The following MACF1 variants were observed in gnomAD, a reference collection of about 807,000 sequenced individuals.
MACF1 encodes the protein microtubule-actin cross-linking factor 1.
MACF1 carries 193 observed loss-of-function variants against 854.8 expected under a neutral mutation model. The observed-to-expected ratio is 0.23, with a 90% CI of 0.20 to 0.25. MACF1 has a LOEUF of 0.25. Ranked by LOEUF, MACF1 falls within the 10% of genes least tolerant of loss-of-function variation. The pLI is 1.00. For missense variants in MACF1, 7,722 were observed against 8,929.1 expected (o/e 0.86, Z 5.45); for synonymous variants, 3,185 against 3,226.7 (o/e 0.99, Z 0.44).
intron 6 of MACF1, among the ~76,000 whole-genome samples, chr1:39,275,458 G>C (rs1235207637): frequency 6.6e-6 from 1 of 151,916 alleles, no homozygotes; most frequent in African/African-American, 2.4e-5. Flanking sequence ...CCATCATAGC[G>C]CACAGTAGCC....
intron 72 of MACF1, among the ~76,000 whole-genome samples, chr1:39,440,111 C>CTTTTCTTTTCTTTTCTT (rs1553414036): frequency 1.5e-5 from 1 of 64,518 alleles, no homozygotes; most frequent in African/African-American, 6.7e-5. Flanking sequence ...CTTTTCTTTT[C>CTTTTCTTTTCTTTTCTT]TTTTTTTTTT....
intron 58 of MACF1, among the ~76,000 whole-genome samples, chr1:39,415,496 C>T (rs1320075005): frequency 1.3e-5 from 2 of 149,342 alleles, no homozygotes; most frequent in Non-Finnish European, 3.0e-5. Flanking sequence ...CCACTACGCC[C>T]GGCAATTTTT....
chr1:39,107,522 A>G (rs949583766), intron 2 of MACF1, among the ~76,000 whole-genome samples: 5 of 152,150 alleles, frequency 3.3e-5, no homozygotes, highest in Non-Finnish European at 1.5e-5. Context: ...TCGGTGCAGA[A>G]CAATCTCTCT....
intron 6 of MACF1, among the ~76,000 whole-genome samples, chr1:39,277,666 A>T (rs571429447): frequency 1.3e-5 from 2 of 152,064 alleles, no homozygotes; most frequent in African/African-American, 4.8e-5. Context: ...ACTTATTAAA[A>T]CTCAGCACAG....
rs1300649241 is a variant in MACF1, at chr1:39,322,612, A to G, written c.4034A>G (p.Tyr1345Cys). ...SQQYSTIVKD[Y>C]ELQLMTYKAF... is the part of the protein sequence containing the mutation. Reference sequence around the variant, plus strand: ...GCGAAATTCATCCTTTCCTAGGACTATGAATTGCAACTGATGACATACAAG... The same window carrying G: ...GCGAAATTCATCCTTTCCTAGGACTGTGAATTGCAACTGATGACATACAAG... Residue 1345 changes from tyrosine to cysteine, a missense_variant, in exon 32 of 101, where the codon TAT (tyrosine) becomes TGT (cysteine). Coordinates refer to ENST00000564288, the MANE Select transcript of MACF1 (RefSeq NM_001394062.1). 5 of 1,613,044 alleles carry G rather than the reference A, an allele frequency of 3.1e-6. No individual in the cohort carries two copies. In the Admixed American group the frequency reaches 5.0e-5, roughly 16 times the overall value.
rs764804366 is a variant in MACF1 at position 39,430,785 on chromosome 1, C to A, written c.17214C>A (p.Pro5738=). The change falls in exon 66 of 101, where the codon CCC becomes CCA. Residue 5738 remains proline (P), a synonymous_variant. Coordinates refer to ENST00000564288, the MANE Select transcript of MACF1 (RefSeq NM_001394062.1). ...GCCGTGCTCTCTTAGAGCTGGTGCC[C>A]TGGAGAGCCAGAGAAGGGCTGGATA... ...EVSRALLELV[P]WRAREGLDKL... The A allele has an allele frequency of 3.9e-5, 63 of 1,612,354 alleles. 2 individuals are homozygous for A. The South Asian group carries it at 6.0e-4, about 15-fold the overall frequency.
intron 2 of MACF1, among the ~76,000 whole-genome samples, chr1:39,087,630 C>T (rs755292691): frequency 2.0e-5 from 3 of 152,154 alleles, no homozygotes; most frequent in Non-Finnish European, 2.9e-5. Flanking sequence ...TTCGGTTTAT[C>T]AGCTTTATGG....
At chr1:39,292,878 T>C in intron 17 of MACF1, 35 bp downstream of exon 17, 1 of 1,547,060 alleles carries the variant, frequency 6.5e-7, no homozygotes, top group Non-Finnish European at 8.9e-7. Flanking sequence ...ATTCTGCTCA[T>C]AGAGTCTGGT....
At chr1:39,151,266 A>C (rs918626040) in intron 2 of MACF1, among the ~76,000 whole-genome samples, 1 of 152,256 alleles carries the variant, frequency 6.6e-6, no homozygotes, top group Non-Finnish European at 1.5e-5. Context: ...TTTCGTTTCA[A>C]ATCTGTGTCC....
intron 6 of MACF1, chr1:39,268,970 G>A: frequency 3.9e-6 from 5 of 1,286,728 alleles, no homozygotes; most frequent in Middle Eastern, 2.1e-4. Context: ...TGCTGCCTGG[G>A]GACTCAGCCC....
chr1:39,233,808 TATTGATAA>T (rs1644817845), intron 2 of MACF1, among the ~76,000 whole-genome samples: 14 of 65,854 alleles, frequency 2.1e-4, no homozygotes, highest in East Asian at 1.9e-3. Flanking sequence ...ATTTATTTTT[TATTGATAA>T]TTCTTGGGTG....
At chr1:39,190,391 G>GTTTTT (rs1557508061) in intron 2 of MACF1, among the ~76,000 whole-genome samples, 1 of 41,730 alleles carries the variant, frequency 2.4e-5, no homozygotes, top group Non-Finnish European at 5.8e-5. Flanking sequence ...GTGTGTGTGT[G>GTTTTT]TTTGTTTTTG....
At chr1:39,164,796 G>C (rs1325472110) in intron 2 of MACF1, among the ~76,000 whole-genome samples, 1 of 152,198 alleles carries the variant, frequency 6.6e-6, no homozygotes, top group East Asian at 1.9e-4. Flanking sequence ...AGCTTAATTT[G>C]ATAAAATAGG....
At chr1:39,235,523 T>C (rs1453796308) in intron 2 of MACF1, among the ~76,000 whole-genome samples, 1 of 152,240 alleles carries the variant, frequency 6.6e-6, no homozygotes, top group Non-Finnish European at 1.5e-5. Flanking sequence ...GATTCAGTAC[T>C]GCCTATAATC....
intron 97 of MACF1, among the ~76,000 whole-genome samples, chr1:39,472,216 G>T (rs1424009844): frequency 6.6e-6 from 1 of 151,960 alleles, no homozygotes; most frequent in East Asian, 1.9e-4. Flanking sequence ...TTAACTTTAG[G>T]ACTATAATAC....
At chr1:39,384,136 C>T (rs931137129) in intron 56 of MACF1, among the ~76,000 whole-genome samples, 9 of 152,062 alleles carry the variant, frequency 5.9e-5, no homozygotes, top group African/African-American at 2.2e-4. Context: ...AATCTCTGCT[C>T]TGCTTGGAGA....
At position 39,226,629 on chromosome 1, in the gene MACF1, G is replaced by A. The variant is rs1018381084; in HGVS notation, c.110-4553G>A. Among the ~76,000 whole-genome samples, 6 of 151,944 alleles carry A rather than the reference G, an allele frequency of 3.9e-5. No homozygotes were observed. The East Asian group carries it at 5.8e-4, about 15-fold the overall frequency. On this transcript the variant is annotated intron_variant, in intron 1 of 100. Transcript: ENST00000564288. ...GCTGGGATTACAGGTGTGAGCCACC[G>A]CGCCTGGCCTATGGATAGTAAAATT...
In MACF1 at chr1:39,430,569, G is replaced by GA. The variant is rs965402159; in HGVS notation, c.17131-126dup. 8 of 703,294 alleles carry GA rather than the reference G, an allele frequency of 1.1e-5. No homozygotes were observed. The Admixed American group carries it at 1.6e-4, about 14-fold the overall frequency. 43.6% of individuals were successfully genotyped at this position (703,294 alleles called of 1,614,324 possible). On this transcript the variant is annotated intron_variant, in intron 65 of 100. Transcript: ENST00000564288. ...AGAATGATTGAAAAATCTGAGATGA[G>GA]AAAAAAATAACTGAAGGAAGGAGGT... is the stretch of plus-strand genomic sequence containing the variant.
At chr1:39,101,799 GGGT>G (rs2148131890) in intron 2 of MACF1, among the ~76,000 whole-genome samples, 3 of 150,550 alleles carry the variant, frequency 2.0e-5, no homozygotes, top group East Asian at 2.0e-4. Context: ...ACTCCAGCCT[GGGT>G]GGTGACAGAG....
Sources: allele counts gnomAD v4.1 joint callset (sites outside exome capture counted in the v4.1 genomes callset), GRCh38; gene constraint gnomAD v4.1.1; transcripts MANE v1.5; gene names NCBI Gene and HGNC (gene_info 2026-07-23, HGNC 2026-07-21).